Variants in CAST observed in about 807,000 individuals in gnomAD.
The protein encoded by CAST is MIR583 host.
A neutral mutation model predicts 119.6 loss-of-function variants in CAST; 76 were observed. That is an observed-to-expected ratio of 0.64 (90% confidence interval 0.53 to 0.77). The LOEUF (loss-of-function observed/expected upper bound fraction) is 0.77, where lower values mean the gene tolerates loss of function less well. Ranked by LOEUF, CAST falls within the 30% of genes least tolerant of loss-of-function variation. The pLI is 0.00. For missense variants in CAST, 953 were observed against 946.5 expected, an observed-to-expected ratio of 1.01 and a Z score of -0.09; for synonymous variants, 319 against 331.6, an observed-to-expected ratio of 0.96 and a Z score of 0.41.
chr5:96,577,739 T>G (rs1454375873), intron 1 of CAST, among the ~76,000 whole-genome samples: 1 of 152,210 alleles, frequency 6.6e-6, no homozygotes, highest in Non-Finnish European at 1.5e-5. Flanking sequence ...CAACATACTC[T>G]GTATGATTTT....
At chr5:96,048,059 C>T in the CAST span, among the ~76,000 whole-genome samples, 1 of 152,216 alleles carries the variant, frequency 6.6e-6, no homozygotes, top group Non-Finnish European at 1.5e-5. Flanking sequence ...AGGTCATACT[C>T]TTTCACTTGT....
At chr5:96,172,812 C>A in the CAST span, among the ~76,000 whole-genome samples, 18 of 152,140 alleles carry the variant, frequency 1.2e-4, 1 homozygote, top group Non-Finnish European at 2.6e-4. Context: ...GGCCATGCTT[C>A]CAGGAACAAC....
At chr5:96,582,579 C>G (rs934820739) in intron 1 of CAST, among the ~76,000 whole-genome samples, 9 of 152,152 alleles carry the variant, frequency 5.9e-5, no homozygotes, top group African/African-American at 1.9e-4. Context: ...CATAAATGTA[C>G]TCAGGAAGGG....
chr5:96,088,664 T>C, the CAST span, among the ~76,000 whole-genome samples: 3 of 152,214 alleles, frequency 2.0e-5, no homozygotes, highest in Admixed American at 2.0e-4. Context: ...GGATGTTTCA[T>C]TTTTCTAGAA....
the CAST span, among the ~76,000 whole-genome samples, chr5:96,330,598 C>T: frequency 6.6e-6 from 1 of 152,168 alleles, no homozygotes. Context: ...GAAAATCATG[C>T]TTTTAAGAAG....
intron 1 of CAST, among the ~76,000 whole-genome samples, chr5:96,567,096 AAAG>A (rs373634767): frequency 9.1e-4 from 139 of 152,334 alleles, no homozygotes; most frequent in African/African-American, 3.2e-3. Flanking sequence ...TATCAGCAGA[AAAG>A]AAGAGAGCTC....
the CAST span, among the ~76,000 whole-genome samples, chr5:96,155,353 A>G: frequency 6.6e-6 from 1 of 152,194 alleles, no homozygotes; most frequent in East Asian, 1.9e-4. Context: ...TTGGCCAGAC[A>G]TTCCTACACA....
chr5:96,583,970 C>T (rs191056830), intron 1 of CAST, among the ~76,000 whole-genome samples: 10 of 152,218 alleles, frequency 6.6e-5, no homozygotes, highest in South Asian at 2.1e-4. Context: ...CTCTCATAGA[C>T]GCCAAGATTT....
At chr5:96,577,473 A>T (rs924515132) in intron 1 of CAST, among the ~76,000 whole-genome samples, 2 of 151,716 alleles carry the variant, frequency 1.3e-5, no homozygotes, top group African/African-American at 4.8e-5. Context: ...TAGGAACTTA[A>T]ATTATTGATT....
chr5:96,096,499 G>T, the CAST span, among the ~76,000 whole-genome samples: 1 of 152,220 alleles, frequency 6.6e-6, no homozygotes, highest in Admixed American at 6.5e-5. Flanking sequence ...GGGGAACAAA[G>T]CCATTGGCCT....
chr5:96,069,087 A>G, the CAST span, among the ~76,000 whole-genome samples: 2 of 151,518 alleles, frequency 1.3e-5, no homozygotes, highest in Non-Finnish European at 2.9e-5. Flanking sequence ...GTATACACAT[A>G]CACACACATC....
At chr5:96,534,256 G>A (rs997456509) in intron 1 of CAST, among the ~76,000 whole-genome samples, 2 of 152,010 alleles carry the variant, frequency 1.3e-5, no homozygotes, top group Non-Finnish European at 2.9e-5. Flanking sequence ...AATCATACAC[G>A]AGCAAAAATC....
At chr5:96,393,977 G>A in the CAST span, among the ~76,000 whole-genome samples, 1 of 152,218 alleles carries the variant, frequency 6.6e-6, no homozygotes, top group African/African-American at 2.4e-5. Flanking sequence ...AGGTTAACCT[G>A]CTTCCCAGAC....
the CAST span, among the ~76,000 whole-genome samples, chr5:95,974,680 C>A: frequency 6.6e-6 from 1 of 152,176 alleles, no homozygotes; most frequent in Non-Finnish European, 1.5e-5. Flanking sequence ...TTCTCTTGTG[C>A]TACTGAAGCC....
the CAST span, chr5:96,390,846 A>T: frequency 6.5e-6 from 1 of 152,680 alleles, no homozygotes; most frequent in Non-Finnish European, 1.5e-5. Flanking sequence ...GAAACATTCA[A>T]TATGATTTTA....
At chr5:96,078,199 C>G in the CAST span, among the ~76,000 whole-genome samples, 1 of 152,104 alleles carries the variant, frequency 6.6e-6, no homozygotes, top group Non-Finnish European at 1.5e-5. Context: ...ACCTAAATAC[C>G]TTCCAGAGGC....
In CAST at chr5:96,766,094, A is replaced by C. The variant is rs1406217011; in HGVS notation, c.2079A>C (p.Arg693Ser). The change falls in exon 27 of 32, where the codon AGA becomes AGC. Residue 693 changes from arginine (R) to serine (S), a missense_variant. Coordinates refer to ENST00000675179, the MANE Select transcript of CAST (RefSeq NM_001750.7). ...KAEHRDKLGE[R>S]DDTIPPEYRH... ...AACATAGAGACAAGCTTGGAGAAAG[A>C]GATGACACTATCCCACCTGAATACA... The C allele has an allele frequency of 6.2e-7, 1 of 1,611,714 alleles. No homozygotes were observed. The highest frequency in any genetic ancestry group is 2.2e-5 in the East Asian group (1 of 44,820).
At position 96,750,631 on chromosome 5, in the gene CAST, T is replaced by C; in HGVS notation, c.1473T>C (p.Cys491=). 6.2e-7 allele frequency: 1 copy of C among 1,613,536 alleles called. No individual in the cohort carries two copies. Among genetic ancestry groups the C allele is most frequent in the East Asian group, 2.2e-5 (1 of 44,880 alleles). Residue 491 remains cysteine, a synonymous_variant, in exon 20 of 32, where the codon TGT becomes TGC. Transcript: ENST00000675179. ...AAPAPVSEAV[C]RTSMCSIQSA... The stretch of plus-strand genomic sequence containing the variant: ...CAGCTCCTGTGTCGGAGGCTGTGTG[T>C]CGGACCTCCATGTGTAGTATACAGT...
chr5:96,189,525 TC>T, the CAST span, among the ~76,000 whole-genome samples: 1 of 152,206 alleles, frequency 6.6e-6, no homozygotes, highest in Admixed American at 6.5e-5. Flanking sequence ...GCTTATGTCT[TC>T]CTTCAGCTTT....
Sources: allele counts gnomAD v4.1 joint callset (sites outside exome capture counted in the v4.1 genomes callset), GRCh38; gene constraint gnomAD v4.1.1; transcripts MANE v1.5; gene names NCBI Gene and HGNC (gene_info 2026-07-23, HGNC 2026-07-21).